Variants in PRDM16 observed in about 807,000 individuals in gnomAD.
PRDM16 encodes the protein PR/SET domain 16.
Under a neutral mutation model 110.6 loss-of-function variants are expected in PRDM16, and 23 were observed. The observed-to-expected ratio is 0.21, with a 90% CI of 0.15 to 0.29. The LOEUF (loss-of-function observed/expected upper bound fraction) is 0.29, where lower values mean the gene tolerates loss of function less well. Ranked by LOEUF, PRDM16 falls within the 10% of genes least tolerant of loss-of-function variation. PRDM16 has a pLI of 1.00. For missense variants in PRDM16, 1,615 were observed against 1,794.3 expected, an observed-to-expected ratio of 0.90 and a Z score of 1.81; for synonymous variants, 799 against 781.8, an observed-to-expected ratio of 1.02 and a Z score of -0.37.
rs115905994 is a variant in PRDM16, at chr1:3,081,329, G to A, written c.37+12033G>A. Among the ~76,000 whole-genome samples the A allele has an allele frequency of 9.3e-3, 1,412 of 152,290 alleles. 26 individuals are homozygous for A. Among genetic ancestry groups the A allele is most frequent in the African/African-American group, 0.033 (1,352 of 41,558 alleles). On this transcript the variant is annotated intron_variant, in intron 1 of 16. Transcript: ENST00000270722. This position sits in a 1 kb window ranked among gnomAD's most constrained non-coding sequence, Gnocchi z 4.6. Reference sequence around the variant, plus strand: ...CTCTTTCCAGAGGGTTTTAGGTTGCGTCCGCTCCTGACAGGTGACCCTTGT... The same window carrying A: ...CTCTTTCCAGAGGGTTTTAGGTTGCATCCGCTCCTGACAGGTGACCCTTGT...
At chr1:3,224,670 C>T (rs1639246193) in intron 2 of PRDM16, among the ~76,000 whole-genome samples, 1 of 152,250 alleles carries the variant, frequency 6.6e-6, no homozygotes, top group Non-Finnish European at 1.5e-5. Context: ...CATTAGGCGG[C>T]CCCAAGGGGG....
In PRDM16 at chr1:3,146,564, CAT is replaced by C. The variant is rs566483512; in HGVS notation, c.38-39560_38-39559del. Among the ~76,000 whole-genome samples the C allele has an allele frequency of 3.9e-3, 515 of 131,998 alleles. 10 individuals carry two copies. Among genetic ancestry groups the C allele is most frequent in the African/African-American group, 0.014 (467 of 33,804 alleles). The allele number at this position is 131,998 out of a possible 152,430, so 86.6% of individuals were successfully genotyped here. ...GTGTGTTCGGTGTGGGGTGTGTACA[CAT>C]GTGTGCTCGGTGTGGGGCATATGTG... On this transcript the variant is annotated intron_variant, in intron 1 of 16. Transcript: ENST00000270722.
intron 3 of PRDM16, among the ~76,000 whole-genome samples, chr1:3,354,368 G>T (rs1431367814): frequency 6.6e-6 from 1 of 150,824 alleles, no homozygotes; most frequent in East Asian, 1.9e-4. Context: ...GCTGAGGCAG[G>T]AGAATCGCTT....
At chr1:3,227,212 G>A (rs1026975509) in intron 2 of PRDM16, among the ~76,000 whole-genome samples, 2 of 152,220 alleles carry the variant, frequency 1.3e-5, no homozygotes, top group Non-Finnish European at 2.9e-5. Flanking sequence ...CTTCTCGCCC[G>A]GCGAGGACCT....
chr1:3,372,014 G>A (rs565014807), intron 3 of PRDM16, among the ~76,000 whole-genome samples: 9 of 152,308 alleles, frequency 5.9e-5, no homozygotes, highest in South Asian at 4.1e-4. Context: ...AGCTGCTCCC[G>A]CTCAAATGTG....
intron 3 of PRDM16, among the ~76,000 whole-genome samples, chr1:3,285,390 G>A (rs548103752): frequency 1.3e-5 from 2 of 152,304 alleles, no homozygotes; most frequent in African/African-American, 2.4e-5. Flanking sequence ...GTCGTTTTAC[G>A]TTTTCACCTG....
intron 3 of PRDM16, among the ~76,000 whole-genome samples, chr1:3,363,855 C>T (rs913703972): frequency 2.0e-5 from 3 of 152,174 alleles, no homozygotes; most frequent in Non-Finnish European, 2.9e-5. Context: ...CATCACAACA[C>T]GGGCCCGCTG....
intron 1 of PRDM16, among the ~76,000 whole-genome samples, chr1:3,084,767 C>A (rs933735088): frequency 5.3e-5 from 8 of 152,232 alleles, no homozygotes; most frequent in Non-Finnish European, 2.9e-5. Context: ...TCTTCCCTTC[C>A]AGCCTCACTG....
In PRDM16 at chr1:3,338,002, C is replaced by G. The variant is rs145678423; in HGVS notation, c.439-47150C>G. 1.1e-4 allele frequency among the ~76,000 whole-genome samples: 17 copies of G among 152,330 alleles called. No homozygotes were observed. In the East Asian group the frequency reaches 3.3e-3, roughly 29 times the overall value. Reference sequence around the variant, plus strand: ...AACATAGTACACAAAAACACATGCACACAAATGAATACACACAGACACATG... The same window carrying G: ...AACATAGTACACAAAAACACATGCAGACAAATGAATACACACAGACACATG... On this transcript the variant is annotated intron_variant, in intron 3 of 16. Transcript: ENST00000270722.
At chr1:3,120,857 C>T (rs1342742881) in intron 1 of PRDM16, among the ~76,000 whole-genome samples, 4 of 152,172 alleles carry the variant, frequency 2.6e-5, no homozygotes, top group Admixed American at 6.5e-5. Context: ...AGCCCCTTTC[C>T]GCTTCTGCAG....
intron 3 of PRDM16, among the ~76,000 whole-genome samples, chr1:3,356,441 G>A (rs138001429): frequency 1.3e-5 from 2 of 152,346 alleles, no homozygotes; most frequent in East Asian, 3.9e-4. Flanking sequence ...AGACGGGAGT[G>A]GGGGAGGCAA....
intron 1 of PRDM16, among the ~76,000 whole-genome samples, chr1:3,099,129 C>T (rs1203016155): frequency 6.6e-6 from 1 of 152,232 alleles, no homozygotes; most frequent in Non-Finnish European, 1.5e-5. Context: ...AATGAGGGTT[C>T]TCAAATGGGC....
rs573630525 is a variant in PRDM16 at position 3,282,924 on chromosome 1, T to C, written c.438+38787T>C. On this transcript the variant is annotated intron_variant, in intron 3 of 16. Coordinates refer to ENST00000270722, the MANE Select transcript of PRDM16 (RefSeq NM_022114.4). Reference sequence around the variant, plus strand: ...AGGTGCAGTGAGAGGCGTGGTAGTATTAGGGCGGTTAGAGGAGGGGCGTCT... The same window carrying C: ...AGGTGCAGTGAGAGGCGTGGTAGTACTAGGGCGGTTAGAGGAGGGGCGTCT... Among the ~76,000 whole-genome samples, 6 of 152,288 alleles carry C rather than the reference T, an allele frequency of 3.9e-5. No individual in the cohort carries two copies. In the South Asian group the frequency reaches 1.2e-3, roughly 32 times the overall value.
intron 8 of PRDM16, among the ~76,000 whole-genome samples, chr1:3,409,813 GC>G (rs1326992304): frequency 1.1e-5 from 1 of 88,954 alleles, no homozygotes; most frequent in African/African-American, 6.8e-5. Context: ...GTGTATGTGT[GC>G]ATGTGTGTGG....
At chr1:3,305,770 A>G (rs7534029) in intron 3 of PRDM16, among the ~76,000 whole-genome samples, 18,155 of 152,242 alleles carry the variant, frequency 0.12, 3,580 homozygotes, top group African/African-American at 0.41. Flanking sequence ...CCTCATCTCC[A>G]CAGACTGCTG....
chr1:3,391,690 G>A (rs1643302988), intron 4 of PRDM16, among the ~76,000 whole-genome samples: 1 of 152,260 alleles, frequency 6.6e-6, no homozygotes, highest in Non-Finnish European at 1.5e-5. Flanking sequence ...AGAGGAAGGT[G>A]GCGAAGCCCG....
At chr1:3,277,380 C>T (rs979088426) in intron 3 of PRDM16, among the ~76,000 whole-genome samples, 9 of 152,226 alleles carry the variant, frequency 5.9e-5, no homozygotes, top group Admixed American at 2.0e-4. Flanking sequence ...GCACGTCAGC[C>T]GGGAAGGCTG....
chr1:3,235,256 C>G (rs1639512212), intron 2 of PRDM16, among the ~76,000 whole-genome samples: 1 of 152,244 alleles, frequency 6.6e-6, no homozygotes. Flanking sequence ...GCAGAACTTT[C>G]TCCTCATTTC....
At chr1:3,132,019 C>T (rs1643345386) in intron 1 of PRDM16, among the ~76,000 whole-genome samples, 1 of 152,150 alleles carries the variant, frequency 6.6e-6, no homozygotes, top group Non-Finnish European at 1.5e-5. Context: ...AACCCAATTA[C>T]TGCCGTTTAA....
Sources: gnomAD v4.1 joint callset for allele counts (sites outside exome capture counted in the v4.1 genomes callset) on GRCh38, gnomAD v4.1.1 for gene constraint, Gnocchi (gnomAD v3.1) non-coding constraint, MANE v1.5 for transcripts, NCBI Gene and HGNC (gene_info 2026-07-23, HGNC 2026-07-21) for gene names.